Variants in H4C15 observed in about 807,000 individuals in gnomAD.
The protein encoded by H4C15 is histone H4.
chr1:149,845,960 T>C, the H4C15 span: 3 of 152,154 alleles, frequency 2.0e-5, no homozygotes, highest in East Asian at 5.8e-4. Flanking sequence ...TGTTGAAGAC[T>C]CCTGGTAAAT....
chr1:149,850,382 C>T (rs1553757630), downstream of H4C15: 1 of 757,846 alleles, frequency 1.3e-6, no homozygotes, highest in South Asian at 1.5e-5. Context: ...AGCGCCAGGT[C>T]CCGGCAGGGA....
the H4C15 span, chr1:149,844,817 AAAAG>A: frequency 6.6e-6 from 1 of 152,138 alleles, no homozygotes; most frequent in Non-Finnish European, 1.5e-5. Flanking sequence ...AAAAAAAAAA[AAAAG>A]CTTTTCAAAG....
chr1:149,855,765 TGTGAGAGAGAGAGAGAGA>T (rs2092185868), downstream of H4C15, among the ~76,000 whole-genome samples: 4 of 26,452 alleles, frequency 1.5e-4, no homozygotes, highest in African/African-American at 1.0e-3. Flanking sequence ...TGTGTGTGTG[TGTGAGAGAGAGAGAGAGA>T]GAGAGAGAGA....
At chr1:149,848,852 A>G in the H4C15 span, 1 of 152,256 alleles carries the variant, frequency 6.6e-6, no homozygotes, top group Non-Finnish European at 1.5e-5. Context: ...AAAGTCTAGA[A>G]AAATACTTAA....
the H4C15 span, chr1:149,847,813 A>T: frequency 6.6e-6 from 1 of 152,320 alleles, no homozygotes; most frequent in Non-Finnish European, 1.5e-5. Context: ...CTCAAGAAAG[A>T]AAGTAAAAAA....
chr1:149,855,152 C>T (rs1322976566), downstream of H4C15, among the ~76,000 whole-genome samples: 1 of 67,336 alleles, frequency 1.5e-5, no homozygotes, highest in Non-Finnish European at 3.2e-5. Flanking sequence ...GTGGGAGAAT[C>T]GCTTAAGTCC....
At chr1:149,850,507 G>A, downstream of H4C15, 4 of 831,578 alleles carry the variant, frequency 4.8e-6, no homozygotes, top group Non-Finnish European at 7.7e-6. Flanking sequence ...GGGACGTGAT[G>A]GTGGAGCGCT....
chr1:149,848,785 A>AG, the H4C15 span: 1 of 152,346 alleles, frequency 6.6e-6, no homozygotes, highest in East Asian at 1.9e-4. Context: ...AGTCAATAAC[A>AG]TACATTATAG....
chr1:149,848,873 C>T, the H4C15 span: 5 of 152,256 alleles, frequency 3.3e-5, no homozygotes, highest in African/African-American at 1.2e-4. Flanking sequence ...AGGTGATGTC[C>T]ATCATTCTCA....
downstream of H4C15, among the ~76,000 whole-genome samples, chr1:149,849,526 C>T (rs1471611513): frequency 6.6e-6 from 1 of 152,200 alleles, no homozygotes; most frequent in South Asian, 2.1e-4. Flanking sequence ...AAGCAGAAAA[C>T]AAACCTAATC....
downstream of H4C15, among the ~76,000 whole-genome samples, chr1:149,858,637 AAGG>A (rs2092190401): frequency 1.2e-5 from 1 of 80,908 alleles, no homozygotes; most frequent in Non-Finnish European, 2.4e-5. Flanking sequence ...GGAAGGAAGA[AAGG>A]AAGGAAGGAA....
At chr1:149,850,048 C>T, downstream of H4C15, 4 of 391,094 alleles carry the variant, frequency 1.0e-5, no homozygotes, top group Middle Eastern at 1.4e-3. Context: ...CTCCTGGGCA[C>T]ATATTCACGG....
chr1:149,844,751 C>T, the H4C15 span: 4 of 150,244 alleles, frequency 2.7e-5, no homozygotes, highest in South Asian at 4.2e-4. Flanking sequence ...CAATTAAAAA[C>T]AGATTTTTTA....
chr1:149,858,677 G>A (rs2092191532), downstream of H4C15, among the ~76,000 whole-genome samples: 1 of 95,644 alleles, frequency 1.0e-5, no homozygotes, highest in South Asian at 3.2e-4. Flanking sequence ...GGGAGGGAGG[G>A]AGGGAAAGAA....
chr1:149,849,904 T>A (rs1419909378), downstream of H4C15, among the ~76,000 whole-genome samples: 1 of 152,234 alleles, frequency 6.6e-6, no homozygotes, highest in Non-Finnish European at 1.5e-5. Context: ...AGTACACATC[T>A]GAGAGCATAC....
chr1:149,850,435 C>G, downstream of H4C15: 1 of 1,179,458 alleles, frequency 8.5e-7, no homozygotes, highest in Non-Finnish European at 1.2e-6. Flanking sequence ...TTGGTGCCCT[C>G]GGACACGGCG....
the H4C15 span, chr1:149,845,281 A>G: frequency 6.6e-6 from 1 of 152,266 alleles, no homozygotes; most frequent in Admixed American, 6.5e-5. Context: ...GCACATTCGG[A>G]TAAAACATGC....
chr1:149,848,700 G>A, the H4C15 span: 1 of 152,214 alleles, frequency 6.6e-6, no homozygotes, highest in African/African-American at 2.4e-5. Flanking sequence ...CCTAAGAACT[G>A]TGGGTAAAAT....
At chr1:149,844,582 G>A in the H4C15 span, 1 of 152,018 alleles carries the variant, frequency 6.6e-6, no homozygotes, top group Admixed American at 6.6e-5. Context: ...GAAGATAAAA[G>A]TACCAAGATA....
Sources: gnomAD v4.1 joint callset for allele counts (sites outside exome capture counted in the v4.1 genomes callset) on GRCh38, gnomAD v4.1.1 for gene constraint, MANE v1.5 for transcripts, NCBI Gene and HGNC (gene_info 2026-07-23, HGNC 2026-07-21) for gene names.